The following SETBP1 variants were observed in gnomAD, a reference collection of about 807,000 sequenced individuals.
SETBP1 encodes the protein SET-binding protein.
A neutral mutation model predicts 101.0 loss-of-function variants in SETBP1; 9 were observed. The observed-to-expected ratio is 0.09, with a 90% CI of 0.05 to 0.16. The LOEUF (loss-of-function observed/expected upper bound fraction) is 0.16. SETBP1 is among the 10% of genes least tolerant of loss of function. The pLI, the probability that SETBP1 is intolerant of heterozygous loss-of-function variation, is 1.00. For synonymous variants in SETBP1, 818 were observed against 788.5 expected (o/e 1.04, Z -0.63); for missense variants, 1,858 against 2,033.8 (o/e 0.91, Z 1.66).
At chr18:44,841,340 G>A (rs2072612142) in intron 2 of SETBP1, among the ~76,000 whole-genome samples, 1 of 152,110 alleles carries the variant, frequency 6.6e-6, no homozygotes, top group Admixed American at 6.5e-5. Flanking sequence ...CAAGAGAGCT[G>A]GCTTTTCTTA....
At chr18:44,741,445 G>A (rs1229143091) in intron 2 of SETBP1, among the ~76,000 whole-genome samples, 1 of 152,112 alleles carries the variant, frequency 6.6e-6, no homozygotes, top group Non-Finnish European at 1.5e-5. Flanking sequence ...ACCTTTCATT[G>A]CCTGTGCCAT....
intron 4 of SETBP1, among the ~76,000 whole-genome samples, chr18:45,013,006 CT>C (rs2072870357): frequency 6.6e-6 from 1 of 152,250 alleles, no homozygotes; most frequent in Non-Finnish European, 1.5e-5. Context: ...GCATAATACA[CT>C]TGGCACTGCA....
intron 2 of SETBP1, among the ~76,000 whole-genome samples, chr18:44,802,472 T>C (rs1206751464): frequency 6.6e-6 from 1 of 152,176 alleles, no homozygotes; most frequent in African/African-American, 2.4e-5. Flanking sequence ...CTCATTCAAC[T>C]GGAATGCTCT....
intron 4 of SETBP1, among the ~76,000 whole-genome samples, chr18:45,000,036 C>T (rs1429267432): frequency 2.0e-5 from 3 of 152,206 alleles, no homozygotes; most frequent in Admixed American, 6.5e-5. Flanking sequence ...TCCAATGTTA[C>T]GTTATATGAC....
chr18:44,840,966 A>G (rs2072604263), intron 2 of SETBP1, among the ~76,000 whole-genome samples: 2 of 152,246 alleles, frequency 1.3e-5, no homozygotes, highest in African/African-American at 4.8e-5. Context: ...CCTTAACATA[A>G]AAGTAAGGAA....
chr18:45,011,062 T>C (rs1408884836), intron 4 of SETBP1, among the ~76,000 whole-genome samples: 1 of 152,158 alleles, frequency 6.6e-6, no homozygotes. Context: ...GCCAAAGAAA[T>C]ACGCAGCACA....
intron 4 of SETBP1, among the ~76,000 whole-genome samples, chr18:45,033,774 G>C (rs925967889): frequency 2.6e-5 from 4 of 152,118 alleles, no homozygotes; most frequent in Non-Finnish European, 4.4e-5. Flanking sequence ...TGACTCCATC[G>C]CCTCTTTTAT....
At chr18:45,062,906 T>C (rs552213741) in intron 5 of SETBP1, among the ~76,000 whole-genome samples, 173 bp from the exon 6 acceptor site, 1 of 152,060 alleles carries the variant, frequency 6.6e-6, no homozygotes, top group African/African-American at 2.4e-5. Flanking sequence ...GAAATGTTTG[T>C]TTTTATTTTA....
intron 4 of SETBP1, among the ~76,000 whole-genome samples, chr18:45,027,318 G>A (rs2073186902): frequency 1.3e-5 from 2 of 152,130 alleles, no homozygotes; most frequent in Admixed American, 6.6e-5. Context: ...TCAGAATAGT[G>A]ATTTATTCTG....
At chr18:44,985,267 C>T (rs1401496400) in intron 4 of SETBP1, among the ~76,000 whole-genome samples, 2 of 152,252 alleles carry the variant, frequency 1.3e-5, no homozygotes, top group Non-Finnish European at 2.9e-5. Flanking sequence ...AAAAAGTTTA[C>T]TTGCTTAATT....
At position 45,063,721 on chromosome 18, in the gene SETBP1, T is replaced by C; in HGVS notation, c.*23T>C. The C allele has an allele frequency of 6.3e-7, 1 of 1,595,766 alleles. No individual in the cohort carries two copies. The highest frequency in any genetic ancestry group is 8.5e-7 in the Non-Finnish European group (1 of 1,171,538). ...TAGGGCGGGTCTGGGCGTCTGCACCTGGGGCCTAGGGAACTGACACGTGGG... is the reference window on the plus strand; with the variant it reads ...TAGGGCGGGTCTGGGCGTCTGCACCCGGGGCCTAGGGAACTGACACGTGGG... On this transcript the variant is annotated 3_prime_UTR_variant, in exon 6 of 6. Coordinates refer to ENST00000649279, the MANE Select transcript of SETBP1 (RefSeq NM_015559.3).
At chr18:44,990,928 A>G (rs1028895938) in intron 4 of SETBP1, among the ~76,000 whole-genome samples, 1 of 129,054 alleles carries the variant, frequency 7.7e-6, no homozygotes, top group Non-Finnish European at 1.6e-5. Context: ...AGAGAGAGAG[A>G]AAAAAAAAAA....
intron 2 of SETBP1, among the ~76,000 whole-genome samples, chr18:44,767,507 A>G (rs751005423): frequency 2.0e-5 from 3 of 152,140 alleles, no homozygotes; most frequent in Non-Finnish European, 2.9e-5. Flanking sequence ...AGCAAATTCA[A>G]CTCACCAAAT....
chr18:44,888,235 A>G (rs1359836803), intron 3 of SETBP1, among the ~76,000 whole-genome samples: 1 of 152,084 alleles, frequency 6.6e-6, no homozygotes, highest in African/African-American at 2.4e-5. Context: ...AAATAGAGCT[A>G]ATAAAACTCA....
At chr18:45,015,838 G>T (rs921226224) in intron 4 of SETBP1, among the ~76,000 whole-genome samples, 2 of 152,212 alleles carry the variant, frequency 1.3e-5, no homozygotes, top group Non-Finnish European at 1.5e-5. Context: ...CTTTTACAGA[G>T]AGAAGGATAA....
chr18:44,819,541 G>T (rs1405239643), intron 2 of SETBP1, among the ~76,000 whole-genome samples: 1 of 152,162 alleles, frequency 6.6e-6, no homozygotes, highest in Non-Finnish European at 1.5e-5. Flanking sequence ...TGGTGGCAGA[G>T]GGTACCCCTG....
At chr18:44,833,105 T>A (rs1325526993) in intron 2 of SETBP1, among the ~76,000 whole-genome samples, 3 of 152,310 alleles carry the variant, frequency 2.0e-5, no homozygotes, top group East Asian at 1.9e-4. Context: ...AGGCTGGGCA[T>A]GACGTAAGCC....
At position 44,687,164 on chromosome 18, in the gene SETBP1, A is replaced by G. The variant is rs543542537; in HGVS notation, c.-173+6143A>G. Among the ~76,000 whole-genome samples, 9 of 152,358 alleles carry G rather than the reference A, an allele frequency of 5.9e-5. No individual in the cohort carries two copies. In the East Asian group the frequency reaches 1.5e-3, roughly 26 times the overall value. ...CCTAAGAGGTCAAGAAGGCTGAGGC[A>G]GAAAGCAGCCTGGGCTCACATCTAT... On this transcript the variant is annotated intron_variant, in intron 1 of 5. Coordinates refer to ENST00000649279, the MANE Select transcript of SETBP1 (RefSeq NM_015559.3).
At chr18:45,026,040 C>T (rs2073158545) in intron 4 of SETBP1, among the ~76,000 whole-genome samples, 1 of 152,172 alleles carries the variant, frequency 6.6e-6, no homozygotes, top group African/African-American at 2.4e-5. Flanking sequence ...ATCTGTATTA[C>T]CATGCAGATG....
Sources: allele counts gnomAD v4.1 joint callset (sites outside exome capture counted in the v4.1 genomes callset), GRCh38; gene constraint gnomAD v4.1.1; transcripts MANE v1.5; gene names NCBI Gene and HGNC (gene_info 2026-07-23, HGNC 2026-07-21).